Variants in EPHB1 observed in about 807,000 individuals in gnomAD.
EPHB1 encodes EPH receptor B1.
EPHB1 carries 30 observed loss-of-function variants against 94.4 expected under a neutral mutation model. That is an observed-to-expected ratio of 0.32 (90% CI 0.24 to 0.43). The LOEUF (loss-of-function observed/expected upper bound fraction) is 0.43. Ranked by LOEUF, EPHB1 falls within the 20% of genes least tolerant of loss-of-function variation. The pLI is 1.00. For missense variants in EPHB1, 1,055 were observed against 1,308.3 expected, an observed-to-expected ratio of 0.81 and a Z score of 2.99; for synonymous variants, 522 against 489.1, an observed-to-expected ratio of 1.07 and a Z score of -0.89.
intron 3 of EPHB1, among the ~76,000 whole-genome samples, chr3:134,973,517 C>T (rs1054322999): frequency 6.7e-6 from 1 of 149,988 alleles, no homozygotes; most frequent in African/African-American, 2.5e-5. Flanking sequence ...CTGCAACCTC[C>T]ACCTCCTGGG....
chr3:135,005,543 G>C (rs1048507182), intron 3 of EPHB1, among the ~76,000 whole-genome samples: 2 of 152,174 alleles, frequency 1.3e-5, no homozygotes, highest in Non-Finnish European at 2.9e-5. Context: ...AATGGTGGGC[G>C]CCCCTCCCCC....
chr3:134,949,731 T>A (rs1219665712), intron 2 of EPHB1, among the ~76,000 whole-genome samples: 1 of 152,144 alleles, frequency 6.6e-6, no homozygotes, highest in African/African-American at 2.4e-5. Flanking sequence ...TTTTCTCTAT[T>A]TTTTTTAATT....
chr3:135,129,024 G>C (rs1194726998), intron 4 of EPHB1, among the ~76,000 whole-genome samples: 1 of 152,126 alleles, frequency 6.6e-6, no homozygotes, highest in East Asian at 1.9e-4. Flanking sequence ...TCCTTGGAAG[G>C]AAGGGATTCA....
At chr3:134,959,800 G>T (rs570695834) in intron 3 of EPHB1, among the ~76,000 whole-genome samples, 1 of 152,186 alleles carries the variant, frequency 6.6e-6, no homozygotes, top group South Asian at 2.1e-4. Context: ...TGTGGACTGG[G>T]GGATTGTGTT....
At chr3:135,020,013 T>C (rs1935933599) in intron 3 of EPHB1, among the ~76,000 whole-genome samples, 1 of 152,234 alleles carries the variant, frequency 6.6e-6, no homozygotes, top group Non-Finnish European at 1.5e-5. Context: ...AGAATGCCCT[T>C]GTCCCAGCAC....
At chr3:135,226,145 G>A (rs1943392752) in intron 12 of EPHB1, among the ~76,000 whole-genome samples, 1 of 152,242 alleles carries the variant, frequency 6.6e-6, no homozygotes, top group Admixed American at 6.5e-5. Flanking sequence ...GAGGATTGGG[G>A]ACAGCTGTGG....
intron 12 of EPHB1, among the ~76,000 whole-genome samples, chr3:135,226,198 T>G (rs1401530272): frequency 6.6e-6 from 1 of 152,220 alleles, no homozygotes; most frequent in Admixed American, 6.5e-5. Flanking sequence ...GCTTGCATGC[T>G]GCTCTTGCAA....
At chr3:135,095,664 T>A (rs1938731396) in intron 3 of EPHB1, among the ~76,000 whole-genome samples, 1 of 152,132 alleles carries the variant, frequency 6.6e-6, no homozygotes, top group South Asian at 2.1e-4. Context: ...CTCACTTGCC[T>A]ATGGATCCCA....
intron 1 of EPHB1, chr3:134,796,031 G>C (rs1166943153): frequency 5.3e-6 from 2 of 377,022 alleles, no homozygotes; most frequent in African/African-American, 4.4e-5. Flanking sequence ...GGCAGAGCCA[G>C]AGCTGGGCGT....
At chr3:135,104,263 A>G (rs1426084112) in intron 3 of EPHB1, among the ~76,000 whole-genome samples, 1 of 152,182 alleles carries the variant, frequency 6.6e-6, no homozygotes, top group Non-Finnish European at 1.5e-5. Flanking sequence ...ATGAGGAGAG[A>G]TATGGAAAGA....
chr3:134,844,054 GGTTT>G (rs770119310), intron 1 of EPHB1, among the ~76,000 whole-genome samples: 3 of 152,146 alleles, frequency 2.0e-5, no homozygotes, highest in African/African-American at 7.2e-5. Flanking sequence ...TGTTGTTACT[GGTTT>G]GTTTGTTTGT....
chr3:134,893,334 G>T (rs1365387516), intron 1 of EPHB1, among the ~76,000 whole-genome samples: 1 of 152,180 alleles, frequency 6.6e-6, no homozygotes, highest in Admixed American at 6.5e-5. Context: ...GCTCTGCCTG[G>T]AACACTTCAG....
intron 3 of EPHB1, among the ~76,000 whole-genome samples, chr3:135,043,255 A>G (rs1346792632): frequency 6.7e-6 from 1 of 148,568 alleles, no homozygotes; most frequent in South Asian, 2.1e-4. Context: ...CACATATCAA[A>G]TAATAAATAA....
intron 3 of EPHB1, among the ~76,000 whole-genome samples, chr3:134,999,630 GAGA>G (rs1377456360): frequency 2.6e-5 from 4 of 152,200 alleles, no homozygotes; most frequent in Non-Finnish European, 5.9e-5. Flanking sequence ...ATCTTCAGAG[GAGA>G]AGAAGGGCTG....
chr3:135,013,224 C>T lies in EPHB1; in HGVS notation c.805+61172C>T, dbSNP rs143899791. ...CCCAAATGTGAAAAAGGACAACAGT[C>T]CCACCCTCTCAGGACCTTAGTAACA... is the stretch of plus-strand genomic sequence containing the variant. On this transcript the variant is annotated intron_variant, in intron 3 of 15. Coordinates refer to ENST00000398015, the MANE Select transcript of EPHB1 (RefSeq NM_004441.5). Among the ~76,000 whole-genome samples, 1,249 of 152,284 alleles carry T rather than the reference C, an allele frequency of 8.2e-3. 21 individuals are homozygous for T. The highest frequency in any genetic ancestry group is 0.028 in the African/African-American group (1,160 of 41,538).
At chr3:134,879,996 AGTT>A (rs2037695753) in intron 1 of EPHB1, among the ~76,000 whole-genome samples, 1 of 152,242 alleles carries the variant, frequency 6.6e-6, no homozygotes, top group South Asian at 2.1e-4. Flanking sequence ...CCTGGGCTCC[AGTT>A]GTTTTATTAT....
intron 15 of EPHB1, among the ~76,000 whole-genome samples, chr3:135,254,140 A>G (rs1933256540): frequency 1.1e-5 from 1 of 93,124 alleles, no homozygotes; most frequent in African/African-American, 4.1e-5. Flanking sequence ...TTCTAGATAT[A>G]CAATCATGTC....
chr3:135,125,955 A>G (rs1940176019), intron 4 of EPHB1, among the ~76,000 whole-genome samples: 1 of 152,114 alleles, frequency 6.6e-6, no homozygotes. Flanking sequence ...GCGCCTTCCA[A>G]TCACTCAGAC....
chr3:135,002,297 G>A (rs1935213208), intron 3 of EPHB1, among the ~76,000 whole-genome samples: 1 of 152,190 alleles, frequency 6.6e-6, no homozygotes, highest in Non-Finnish European at 1.5e-5. Flanking sequence ...CAGGGATGAA[G>A]CCCACTTGAT....
Sources: gnomAD v4.1 joint callset for allele counts (sites outside exome capture counted in the v4.1 genomes callset) on GRCh38, gnomAD v4.1.1 for gene constraint, MANE v1.5 for transcripts, NCBI Gene and HGNC (gene_info 2026-07-23, HGNC 2026-07-21) for gene names.